The following UBA6 variants were observed in gnomAD, a reference collection of about 807,000 sequenced individuals.
UBA6 encodes the protein ubiquitin like modifier activating enzyme 6.
UBA6 carries 87 observed loss-of-function variants against 148.3 expected under a neutral mutation model. The observed-to-expected ratio is 0.59, with a 90% CI of 0.49 to 0.70. UBA6 has a LOEUF of 0.70. Ranked by LOEUF, UBA6 falls within the 30% of genes least tolerant of loss-of-function variation. The pLI is 0.00. For missense variants in UBA6, 1,186 were observed against 1,241.2 expected (o/e 0.96, Z 0.67); for synonymous variants, 376 against 401.0 (o/e 0.94, Z 0.75).
intron 2 of UBA6, among the ~76,000 whole-genome samples, chr4:67,692,661 C>A (rs1730722247): frequency 6.6e-6 from 1 of 152,152 alleles, no homozygotes; most frequent in African/African-American, 2.4e-5. Context: ...CCTGGCCACC[C>A]AGAACCCCAA....
chr4:67,647,128 A>C (rs953850007), intron 14 of UBA6, among the ~76,000 whole-genome samples: 1 of 152,060 alleles, frequency 6.6e-6, no homozygotes, highest in Non-Finnish European at 1.5e-5. Context: ...GCCCCCATTC[A>C]ATTTCAGCTA....
chr4:67,671,951 C>G (rs1157487857), intron 7 of UBA6, among the ~76,000 whole-genome samples: 1 of 152,118 alleles, frequency 6.6e-6, no homozygotes, highest in East Asian at 1.9e-4. Context: ...AACTCACACT[C>G]ATCTATCTAC....
chr4:67,616,733 C>A lies in UBA6; in HGVS notation c.*2264G>T, dbSNP rs1050782639. 6.6e-6 allele frequency: 1 copy of A among 152,108 alleles called. No individual in the cohort carries two copies. The highest frequency in any genetic ancestry group is 2.1e-4 in the South Asian group (1 of 4,824). 9.4% of individuals were successfully genotyped at this position (152,108 alleles called of 1,614,324 possible). On this transcript the variant is annotated 3_prime_UTR_variant, in exon 33 of 33. Coordinates refer to ENST00000322244, the MANE Select transcript of UBA6 (RefSeq NM_018227.6). ...TGAAAATCAGGAAACACCAAAGCAA[C>A]ATTACTCACAAAATAAACAGCAAAA... is the stretch of plus-strand genomic sequence containing the variant.
In UBA6 at chr4:67,618,823, GC is replaced by G; in HGVS notation, c.*173del. 1 of 598,184 alleles carries G rather than the reference GC, an allele frequency of 1.7e-6. No individual in the cohort carries two copies. The highest frequency in any genetic ancestry group is 2.8e-6 in the Non-Finnish European group (1 of 360,780). The allele number at this position is 598,184 out of a possible 1,614,324, so 37.1% of individuals were successfully genotyped here. A position where few individuals can be genotyped will look rare whatever the true frequency, so the allele number is the denominator to read the frequency against. On this transcript the variant is annotated 3_prime_UTR_variant, in exon 33 of 33. Coordinates refer to ENST00000322244, the MANE Select transcript of UBA6 (RefSeq NM_018227.6). ...GAACCGTTAGACAAGTGTATGCTAT[GC>G]CCCAAAATGTTTTATAATTCTTCAG...
At chr4:67,671,458 C>T (rs1432282711) in intron 7 of UBA6, among the ~76,000 whole-genome samples, 2 of 149,660 alleles carry the variant, frequency 1.3e-5, no homozygotes, top group Non-Finnish European at 3.0e-5. Context: ...TTTTACAAGA[C>T]ATAAAACTGG....
rs1730205251 is a variant in UBA6 at position 67,673,689 on chromosome 4, A to G, written c.546+8T>C. 6.3e-7 allele frequency: 1 copy of G among 1,595,764 alleles called. No homozygotes were observed. The highest frequency in any genetic ancestry group is 1.3e-5 in the African/African-American group (1 of 74,688). ...TAACTACATGTCATTACTAAATGAT[A>G]CAATTACCTTAATTGGAGGGCACTG... On this transcript the variant is annotated splice_region_variant and intron_variant, in intron 7 of 32. Coordinates refer to ENST00000322244, the MANE Select transcript of UBA6 (RefSeq NM_018227.6).
At chr4:67,645,903 T>C (rs1297806390) in intron 16 of UBA6, 35 bp downstream of exon 16, 6 of 1,346,350 alleles carry the variant, frequency 4.5e-6, no homozygotes, top group Non-Finnish European at 6.3e-6. Context: ...CGATAGCAGT[T>C]TGAACATACT....
chr4:67,652,996 C>T (rs1013978700), intron 13 of UBA6, among the ~76,000 whole-genome samples: 7 of 152,176 alleles, frequency 4.6e-5, no homozygotes, highest in African/African-American at 1.7e-4. Flanking sequence ...ATTGCTGAGG[C>T]TTGAGTAGGT....
rs1413449694 is a variant in UBA6 at position 67,646,725 on chromosome 4, G to A, written c.1315C>T (p.Arg439Ter). The A allele has an allele frequency of 3.7e-6, 6 of 1,601,670 alleles. No homozygotes were observed. Among genetic ancestry groups the A allele is most frequent in the South Asian group, 1.1e-5 (1 of 89,138 alleles). ...GKPECEEFLP[R>*]GDRYDALRAC... ...AAGCAAGAGAAATTTCATTATTACC[G>A]TGGGAGAAATTCTTCACATTCAGGT... Residue 439 changes from arginine (R) to a stop codon, truncating the protein, a stop_gained and splice_region_variant, in exon 15 of 33, where the codon CGA becomes TGA. Coordinates refer to ENST00000322244, the MANE Select transcript of UBA6 (RefSeq NM_018227.6). LOFTEE classifies it high-confidence loss of function.
intron 19 of UBA6, 102 bp downstream of exon 19, chr4:67,638,841 A>T: frequency 1.2e-6 from 1 of 822,452 alleles, no homozygotes; most frequent in African/African-American, 1.7e-5. Context: ...ATAGGAACAT[A>T]AGGAATAATC....
intron 9 of UBA6, among the ~76,000 whole-genome samples, chr4:67,667,523 A>G (rs930172606): frequency 6.6e-6 from 1 of 151,916 alleles, no homozygotes; most frequent in Non-Finnish European, 1.5e-5. Context: ...TTTTGCCGTC[A>G]TTAAAAAAAA....
chr4:67,632,838 T>C (rs576279703), intron 23 of UBA6, among the ~76,000 whole-genome samples: 93 of 152,144 alleles, frequency 6.1e-4, no homozygotes, highest in Non-Finnish European at 1.1e-3. Flanking sequence ...TGTTTTTTTT[T>C]AAAGTTGTTT....
rs1294252379 is a variant in UBA6, at chr4:67,615,866, G to C, written c.*3131C>G. 1 of 292,598 alleles carries C rather than the reference G, an allele frequency of 3.4e-6. No individual in the cohort carries two copies. The highest frequency in any genetic ancestry group is 2.1e-5 in the African/African-American group (1 of 46,972). The allele number at this position is 292,598 out of a possible 1,614,324, so 18.1% of individuals were successfully genotyped here. ...AAGAGACAATTATCATACAAGGTAG[G>C]ATAGTGGTAATTACCAAAGGGTACG... On this transcript the variant is annotated 3_prime_UTR_variant, in exon 33 of 33. Coordinates refer to ENST00000322244, the MANE Select transcript of UBA6 (RefSeq NM_018227.6).
intron 13 of UBA6, among the ~76,000 whole-genome samples, chr4:67,657,201 C>A (rs750359799): frequency 2.0e-5 from 3 of 152,170 alleles, no homozygotes; most frequent in Admixed American, 6.5e-5. Flanking sequence ...TCATATGGAA[C>A]CACAAAAGAG....
intron 2 of UBA6, among the ~76,000 whole-genome samples, chr4:67,687,897 A>G (rs1176380068): frequency 3.3e-5 from 5 of 152,230 alleles, no homozygotes; most frequent in Non-Finnish European, 1.5e-5. Context: ...CCTGAATTTA[A>G]CAGTTAAAAA....
At chr4:67,645,913 T>A in intron 16 of UBA6, 25 bp downstream of exon 16, 1 of 1,443,054 alleles carries the variant, frequency 6.9e-7, no homozygotes, top group Non-Finnish European at 9.6e-7. Context: ...TTGAACATAC[T>A]ATTCCCATGA....
chr4:67,644,399 C>T (rs1729373085), intron 17 of UBA6, among the ~76,000 whole-genome samples: 1 of 152,034 alleles, frequency 6.6e-6, no homozygotes. Context: ...GCTTGCAAAG[C>T]CCTTTCACAT....
intron 1 of UBA6, among the ~76,000 whole-genome samples, chr4:67,696,975 T>G (rs548848090): frequency 6.6e-6 from 1 of 152,258 alleles, no homozygotes; most frequent in East Asian, 1.9e-4. Context: ...TAAATACATA[T>G]ATATATATTT....
chr4:67,640,295 T>G (rs1729271607), intron 18 of UBA6, among the ~76,000 whole-genome samples: 1 of 152,244 alleles, frequency 6.6e-6, no homozygotes, highest in Non-Finnish European at 1.5e-5. Flanking sequence ...CTTTGCAACA[T>G]ATTTTAGTTC....
Sources: allele counts gnomAD v4.1 joint callset (sites outside exome capture counted in the v4.1 genomes callset), GRCh38; gene constraint gnomAD v4.1.1; transcripts MANE v1.5; gene names NCBI Gene and HGNC (gene_info 2026-07-23, HGNC 2026-07-21).